LRRIQ3: variants seen among roughly 807,000 people sequenced by gnomAD.
LRRIQ3 encodes leucine-rich repeat and IQ domain-containing protein 3.
Under a neutral mutation model 59.3 loss-of-function variants are expected in LRRIQ3, and 75 were observed. The observed-to-expected ratio is 1.26, with a 90% CI of 1.05 to 1.53. The LOEUF is 1.53. Ranked by LOEUF, LRRIQ3 falls within the 40% of genes most tolerant of loss-of-function variation. The probability of loss-of-function intolerance (pLI) is 0.00; values close to 1 mark genes in which losing one functional copy is unlikely to be tolerated. For synonymous variants in LRRIQ3, 250 were observed against 231.3 expected (o/e 1.08, Z -0.73); for missense variants, 831 against 710.0 (o/e 1.17, Z -1.94).
At chr1:74,054,874 TATA>T (rs1305062900) in intron 6 of LRRIQ3, among the ~76,000 whole-genome samples, 1 of 147,524 alleles carries the variant, frequency 6.8e-6, no homozygotes, top group African/African-American at 2.5e-5. Context: ...CAATTATAAA[TATA>T]ATTTAAAATA....
chr1:74,081,111 A>G (rs1646269142), intron 5 of LRRIQ3, among the ~76,000 whole-genome samples: 1 of 151,586 alleles, frequency 6.6e-6, no homozygotes, highest in African/African-American at 2.4e-5. Context: ...TTTGATATCA[A>G]TCTTACTTTA....
Position 74,074,692 on chromosome 1 carries a change from T to G in LRRIQ3, c.966A>C (p.Lys322Asn). 1 of 1,422,496 alleles carries G rather than the reference T, an allele frequency of 7.0e-7. No homozygotes were observed. The highest frequency in any genetic ancestry group is 9.4e-7 in the Non-Finnish European group (1 of 1,065,790). 88.1% of individuals were successfully genotyped at this position (1,422,496 alleles called of 1,614,324 possible). A position where few individuals can be genotyped will look rare whatever the true frequency, so the allele number is the denominator to read the frequency against. The change falls in exon 6 of 8, where the codon AAA becomes AAC. Residue 322 changes from lysine to asparagine, a missense_variant. Coordinates refer to ENST00000354431, the MANE Select transcript of LRRIQ3 (RefSeq NM_001105659.2). ...GAATGAGATGTCTTGATGTTTTTGA[T>G]TTCATGCCTAGATCTTTTGGTTTTA... Reference protein sequence around the residue: ...CELKPKDLGMKSKTSRHLIQK... With the variant: ...CELKPKDLGMNSKTSRHLIQK...
intron 6 of LRRIQ3, among the ~76,000 whole-genome samples, chr1:74,056,072 G>A (rs113144292): frequency 0.027 from 4,022 of 151,488 alleles, 64 homozygotes; most frequent in Middle Eastern, 0.044. Context: ...TCCAAGTCGG[G>A]AGGTGGAGGT....
intron 4 of LRRIQ3, among the ~76,000 whole-genome samples, chr1:74,110,510 A>C (rs1243903020): frequency 6.6e-6 from 1 of 152,056 alleles, no homozygotes; most frequent in Admixed American, 6.6e-5. Flanking sequence ...AATCTTTGTA[A>C]AACAGGATCA....
intron 5 of LRRIQ3, among the ~76,000 whole-genome samples, chr1:74,096,123 G>T (rs1238731050): frequency 2.0e-5 from 3 of 151,924 alleles, no homozygotes; most frequent in Non-Finnish European, 4.4e-5. Context: ...AGTGGAACTG[G>T]TCTATATTTT....
At chr1:74,068,577 T>C (rs981918547) in intron 6 of LRRIQ3, among the ~76,000 whole-genome samples, 2 of 152,058 alleles carry the variant, frequency 1.3e-5, no homozygotes, top group Non-Finnish European at 2.9e-5. Flanking sequence ...TTTCACCTTC[T>C]TCCTCTCTGT....
chr1:74,028,388 T>C (rs983574580), intron 7 of LRRIQ3, among the ~76,000 whole-genome samples: 16 of 152,106 alleles, frequency 1.1e-4, no homozygotes, highest in Non-Finnish European at 1.9e-4. Flanking sequence ...CTCATAGGGT[T>C]AGTAAAGGAC....
intron 6 of LRRIQ3, among the ~76,000 whole-genome samples, chr1:74,063,145 C>CA (rs1159421390): frequency 3.3e-4 from 50 of 149,882 alleles, no homozygotes; most frequent in East Asian, 9.9e-4. Flanking sequence ...ACAACAACAA[C>CA]AACAACAAAA....
At chr1:74,138,165 A>AACAAAC (rs199833919) in intron 4 of LRRIQ3, among the ~76,000 whole-genome samples, 13 of 106,646 alleles carry the variant, frequency 1.2e-4, no homozygotes, top group Admixed American at 1.2e-3. Flanking sequence ...CAAACAAACA[A>AACAAAC]AAAAAAAAAA....
chr1:74,067,714 A>G (rs912239026), intron 6 of LRRIQ3, among the ~76,000 whole-genome samples: 15 of 152,064 alleles, frequency 9.9e-5, no homozygotes, highest in Non-Finnish European at 1.9e-4. Flanking sequence ...AATGGAAGTT[A>G]CTATAAATCT....
intron 4 of LRRIQ3, among the ~76,000 whole-genome samples, chr1:74,154,279 A>AAAAAAAAAG (rs1648187710): frequency 1.5e-5 from 2 of 132,446 alleles, no homozygotes; most frequent in African/African-American, 5.8e-5. Flanking sequence ...AAAAAAAAAA[A>AAAAAAAAAG]TGTAATATCT....
Position 74,041,498 on chromosome 1 carries a change from G to C in LRRIQ3, c.1433C>G (p.Thr478Arg), listed in dbSNP as rs1654043500. The change falls in exon 7 of 8, where the codon ACA (threonine) becomes AGA (arginine). Residue 478 changes from threonine (T) to arginine (R), a missense_variant. Transcript: ENST00000354431. Reference sequence around the variant, plus strand: ...AACTTGTCGTAAACTGTTCTGAATTGTCTCTTTATTTTCTTCAATTAGTTT... The same window carrying C: ...AACTTGTCGTAAACTGTTCTGAATTCTCTCTTTATTTTCTTCAATTAGTTT... ...TQKLIEENKE[T>R]IQNSLRQVWQ... 6.2e-7 allele frequency: 1 copy of C among 1,611,628 alleles called. No homozygotes were observed. Among genetic ancestry groups the C allele is most frequent in the South Asian group, 1.1e-5 (1 of 90,406 alleles).
intron 4 of LRRIQ3, among the ~76,000 whole-genome samples, chr1:74,154,629 T>C (rs1159133357): frequency 6.6e-6 from 1 of 152,188 alleles, no homozygotes; most frequent in Non-Finnish European, 1.5e-5. Context: ...AAAAAATCCC[T>C]GGGAAATAAC....
At chr1:74,159,249 C>G (rs1453850128) in intron 3 of LRRIQ3, among the ~76,000 whole-genome samples, 1 of 152,060 alleles carries the variant, frequency 6.6e-6, no homozygotes, top group Non-Finnish European at 1.5e-5. Flanking sequence ...AATAAGGTCT[C>G]TATTTATTAA....
chr1:74,196,839 A>C (rs1651185825), intron 1 of LRRIQ3, among the ~76,000 whole-genome samples: 1 of 152,152 alleles, frequency 6.6e-6, no homozygotes, highest in South Asian at 2.1e-4. Context: ...ACCTCCAAAG[A>C]AGTCTCCCTG....
At chr1:74,111,560 G>C (rs1231503851) in intron 4 of LRRIQ3, among the ~76,000 whole-genome samples, 1 of 152,038 alleles carries the variant, frequency 6.6e-6, no homozygotes, top group Non-Finnish European at 1.5e-5. Flanking sequence ...CTGGAATAGA[G>C]ATGTGAGAAA....
intron 3 of LRRIQ3, chr1:74,180,688 G>A: frequency 6.5e-7 from 1 of 1,545,288 alleles, no homozygotes; most frequent in East Asian, 2.4e-5. Flanking sequence ...AATGTTGACT[G>A]CAGACTTGTT....
intron 4 of LRRIQ3, among the ~76,000 whole-genome samples, chr1:74,129,360 A>G (rs1646979622): frequency 6.6e-6 from 1 of 151,812 alleles, no homozygotes; most frequent in Admixed American, 6.6e-5. Context: ...TGTAACTATC[A>G]CCACCCCAGT....
rs563848991 is a variant in LRRIQ3 at position 74,070,189 on chromosome 1, G to A, written c.997+4472C>T. Among the ~76,000 whole-genome samples the A allele has an allele frequency of 2.4e-4, 36 of 152,132 alleles. No individual in the cohort carries two copies. The Middle Eastern group carries it at 0.017, about 72-fold the overall frequency. On this transcript the variant is annotated intron_variant, in intron 6 of 7. Coordinates refer to ENST00000354431, the MANE Select transcript of LRRIQ3 (RefSeq NM_001105659.2). ...AAAGACACATGCACACATGTTCATT[G>A]CAGCACTATTCTCAATAGCAAAGAC...
Sources: allele counts gnomAD v4.1 joint callset (sites outside exome capture counted in the v4.1 genomes callset), GRCh38; gene constraint gnomAD v4.1.1; transcripts MANE v1.5; gene names NCBI Gene and HGNC (gene_info 2026-07-23, HGNC 2026-07-21).